STK38: variants seen among roughly 807,000 people sequenced by gnomAD.
STK38 encodes serine/threonine kinase 38.
Under a neutral mutation model 59.0 loss-of-function variants are expected in STK38, and 26 were observed. That is an observed-to-expected ratio of 0.44 (90% confidence interval 0.32 to 0.61). The LOEUF is 0.61. STK38 is among the 20% of genes least tolerant of loss of function. STK38 has a pLI of 0.04. For missense variants in STK38, 433 were observed against 566.0 expected, an observed-to-expected ratio of 0.76 and a Z score of 2.38; for synonymous variants, 175 against 176.6, an observed-to-expected ratio of 0.99 and a Z score of 0.07.
rs755492894 is a variant in STK38 at position 36,524,333 on chromosome 6, A to AT, written c.306+7dup. ...TTTTTCTACTTGACAAGTAGCTGTG[A>AT]TTTTTACCTCACCAAATGCTCCTCT... is the stretch of plus-strand genomic sequence containing the variant. On this transcript the variant is annotated splice_region_variant and intron_variant, in intron 4 of 13. Coordinates refer to ENST00000229812, the MANE Select transcript of STK38 (RefSeq NM_007271.4). The AT allele has an allele frequency of 1.9e-6, 3 of 1,601,662 alleles. No homozygotes were observed. Among genetic ancestry groups the AT allele is most frequent in the Non-Finnish European group, 8.5e-7 (1 of 1,176,714 alleles).
At chr6:36,515,582 G>A (rs1041008987) in intron 6 of STK38, 90 bp from the exon 7 acceptor site, 40 of 1,578,358 alleles carry the variant, frequency 2.5e-5, no homozygotes, top group Admixed American at 5.6e-5. Context: ...CCAATTTTCA[G>A]ATATGTCTTC....
rs745860300 is a variant in STK38 at position 36,524,460 on chromosome 6, G to A, written c.187C>T (p.Arg63Ter). ...CGAGCATGTGCTGATCTCCGGAGTC[G>A]TTTCTAATATTTAAATAAAAAAGGG... ...EEEGLKDEEKRLRRSAHARKE... is the reference protein window; with the variant it reads ...EEEGLKDEEK The change falls in exon 4 of 14, where the codon CGA becomes TGA. Residue 63 changes from arginine (R) to a stop codon, truncating the protein, a stop_gained. Coordinates refer to ENST00000229812, the MANE Select transcript of STK38 (RefSeq NM_007271.4). LOFTEE classifies it high-confidence loss of function. 3.1e-6 allele frequency: 5 copies of A among 1,593,100 alleles called. No individual in the cohort carries two copies. Among genetic ancestry groups the A allele is most frequent in the East Asian group, 2.2e-5 (1 of 44,584 alleles).
chr6:36,502,584 C>A (rs1776865534), intron 9 of STK38, among the ~76,000 whole-genome samples: 1 of 151,818 alleles, frequency 6.6e-6, no homozygotes, highest in African/African-American at 2.4e-5. Context: ...GTATTTGTTA[C>A]CAAAAGTAAA....
At position 36,495,775 on chromosome 6, in the gene STK38, G is replaced by T; in HGVS notation, c.*9C>A. ...ACTCTGCTCCACATAGGATTCCGTG[G>T]CAAGAGTACTATTTTGCTGCTTTCA... On this transcript the variant is annotated 3_prime_UTR_variant, in exon 14 of 14. Transcript: ENST00000229812. 3.1e-6 allele frequency: 5 copies of T among 1,613,630 alleles called. No homozygotes were observed. Among genetic ancestry groups the T allele is most frequent in the Non-Finnish European group, 4.2e-6 (5 of 1,179,720 alleles).
intron 10 of STK38, among the ~76,000 whole-genome samples, chr6:36,499,427 C>A (rs1004566149): frequency 6.6e-6 from 1 of 152,066 alleles, no homozygotes; most frequent in African/African-American, 2.4e-5. Flanking sequence ...CATATGACCA[C>A]CCCCACAGAT....
intron 10 of STK38, among the ~76,000 whole-genome samples, chr6:36,498,877 C>T (rs1161539494): frequency 6.6e-6 from 1 of 152,132 alleles, no homozygotes; most frequent in Non-Finnish European, 1.5e-5. Context: ...AGGCATAAGC[C>T]ACTGTGCCCG....
At chr6:36,536,266 T>C (rs1474349490) in intron 2 of STK38, among the ~76,000 whole-genome samples, 2 of 152,188 alleles carry the variant, frequency 1.3e-5, no homozygotes, top group East Asian at 1.9e-4. Flanking sequence ...CCCCACCTCA[T>C]ATCATACACA....
At chr6:36,525,689 A>G in intron 2 of STK38, 47 bp from the exon 3 acceptor site, 1 of 1,518,446 alleles carries the variant, frequency 6.6e-7, no homozygotes, top group African/African-American at 1.4e-5. Context: ...CTGAATGATA[A>G]CTTTCTGAAA....
At chr6:36,520,768 T>C (rs1229707595) in intron 5 of STK38, among the ~76,000 whole-genome samples, 1 of 152,144 alleles carries the variant, frequency 6.6e-6, no homozygotes, top group Admixed American at 6.5e-5. Flanking sequence ...CTAAAGCTTC[T>C]CGGTAACACA....
chr6:36,520,830 G>T (rs1582435453), intron 5 of STK38, among the ~76,000 whole-genome samples: 1 of 152,264 alleles, frequency 6.6e-6, no homozygotes, highest in East Asian at 1.9e-4. Flanking sequence ...GCATTTAAAT[G>T]AAGACAGGGA....
At chr6:36,525,538 A>T in intron 3 of STK38, 53 bp downstream of exon 3, 1 of 1,543,740 alleles carries the variant, frequency 6.5e-7, no homozygotes, top group Non-Finnish European at 8.9e-7. Flanking sequence ...TCACTGGACA[A>T]GATACAACCT....
chr6:36,540,937 C>T (rs570270866), intron 1 of STK38, among the ~76,000 whole-genome samples: 13 of 149,804 alleles, frequency 8.7e-5, no homozygotes, highest in African/African-American at 3.2e-4. Flanking sequence ...CTCGCTCTGT[C>T]GCCCAGGCTG....
chr6:36,517,414 T>C (rs1283129463), intron 6 of STK38, among the ~76,000 whole-genome samples: 2 of 152,164 alleles, frequency 1.3e-5, no homozygotes, highest in South Asian at 2.1e-4. Context: ...ATGATTCCCA[T>C]TGACAGGAGA....
chr6:36,498,541 C>G, intron 10 of STK38, 55 bp from the exon 11 acceptor site: 1 of 1,558,422 alleles, frequency 6.4e-7, no homozygotes, highest in Non-Finnish European at 8.6e-7. Flanking sequence ...TGAATCTGAC[C>G]GAGATTACTC....
chr6:36,540,982 T>C lies in STK38; in HGVS notation c.-5-775A>G, dbSNP rs150140568. Among the ~76,000 whole-genome samples the C allele has an allele frequency of 5.1e-3, 780 of 152,252 alleles. 3 individuals are homozygous for C. The highest frequency in any genetic ancestry group is 0.017 in the African/African-American group (721 of 41,530). ...GGCGCGATCTCCGCTCATTGCAACC[T>C]ACACCTCCCAGGTTCACGCCATTCT... On this transcript the variant is annotated intron_variant, in intron 1 of 13. Transcript: ENST00000229812.
chr6:36,538,052 G>A (rs1392037270), intron 2 of STK38, among the ~76,000 whole-genome samples: 2 of 152,158 alleles, frequency 1.3e-5, no homozygotes, highest in Non-Finnish European at 2.9e-5. Flanking sequence ...TGTAATCCCA[G>A]CACTTCAAGA....
At chr6:36,510,385 G>C (rs1777079605) in intron 7 of STK38, among the ~76,000 whole-genome samples, 1 of 152,234 alleles carries the variant, frequency 6.6e-6, no homozygotes, top group Non-Finnish European at 1.5e-5. Context: ...TCTGAAATTG[G>C]AGTGGACACC....
chr6:36,500,536 C>A (rs1582404197), intron 9 of STK38, among the ~76,000 whole-genome samples: 2 of 151,674 alleles, frequency 1.3e-5, no homozygotes, highest in Non-Finnish European at 2.9e-5. Context: ...CTGAGGTGGG[C>A]GGATCACGAG....
rs1776688903 is a variant in STK38 at position 36,495,814 on chromosome 6, T to C, written c.1368A>G (p.Ala456=). The C allele has an allele frequency of 6.2e-7, 1 of 1,614,064 alleles. No homozygotes were observed. Among genetic ancestry groups the C allele is most frequent in the Admixed American group, 1.7e-5 (1 of 60,016 alleles). ...TTGCTGCTTTCATGTAGGAAGGTAT[T>C]GCCCCCCTTGCAGTCAGGCCCTCAA... ...KRFEGLTARG[A]IPSYMKAAK Residue 456 remains alanine (A), a synonymous_variant, in exon 14 of 14, where the codon GCA becomes GCG. Transcript: ENST00000229812.
Sources: gnomAD v4.1 joint callset for allele counts (sites outside exome capture counted in the v4.1 genomes callset) on GRCh38, gnomAD v4.1.1 for gene constraint, MANE v1.5 for transcripts, NCBI Gene and HGNC (gene_info 2026-07-23, HGNC 2026-07-21) for gene names.